Variants in SMG1 observed in about 807,000 individuals in gnomAD.
SMG1 encodes serine/threonine-protein kinase SMG1.
SMG1 carries 22 observed loss-of-function variants against 419.9 expected under a neutral mutation model. The observed-to-expected ratio is 0.05, with a 90% CI of 0.04 to 0.07. The LOEUF (loss-of-function observed/expected upper bound fraction) is 0.07. Among genes scored for constraint, SMG1 ranks in the 10% least tolerant of loss-of-function variants. The pLI, the probability that SMG1 is intolerant of heterozygous loss-of-function variation, is 1.00. For synonymous variants in SMG1, 1,538 were observed against 1,553.5 expected (o/e 0.99, Z 0.23); for missense variants, 3,185 against 4,342.0 (o/e 0.73, Z 7.49).
Position 18,869,942 on chromosome 16 carries a change from T to A in SMG1, c.2545A>T (p.Met849Leu), listed in dbSNP as rs2035725621. 1.3e-6 allele frequency: 2 copies of A among 1,526,538 alleles called. No homozygotes were observed. The highest frequency in any genetic ancestry group is 1.8e-6 in the Non-Finnish European group (2 of 1,124,110). The allele number at this position is 1,526,538 out of a possible 1,614,324, so 94.6% of individuals were successfully genotyped here. A position where few individuals can be genotyped will look rare whatever the true frequency, so the allele number is the denominator to read the frequency against. The stretch of plus-strand genomic sequence containing the variant: ...AATGTATTACTTGGTGCTTTACTCA[T>A]GTGACTTCTTAATGCTAAAGAAATT... The part of the protein sequence containing the change: ...QEISLALRSH[M>L]SKAPSNTFHP... The change falls in exon 19 of 63, where the codon ATG becomes TTG. Residue 849 changes from methionine to leucine, a missense_variant. This residue lies in a region of SMG1 where 297 missense variants were observed against 491.0 expected (regional missense o/e 0.60). Transcript: ENST00000446231.
chr16:18,831,413 G>C (rs193209009), intron 51 of SMG1, among the ~76,000 whole-genome samples: 1 of 152,136 alleles, frequency 6.6e-6, no homozygotes, highest in African/African-American at 2.4e-5. Flanking sequence ...TACACATTTA[G>C]GTAAACATTC....
chr16:18,832,663 T>C (rs528523372), intron 51 of SMG1, among the ~76,000 whole-genome samples: 2 of 152,152 alleles, frequency 1.3e-5, no homozygotes, highest in East Asian at 1.9e-4. Flanking sequence ...GTGTGGACTA[T>C]ATCATTGTCG....
At chr16:18,880,700 G>C (rs1246547553) in intron 10 of SMG1, among the ~76,000 whole-genome samples, 1 of 109,030 alleles carries the variant, frequency 9.2e-6, no homozygotes, top group Non-Finnish European at 1.7e-5. Context: ...GGGCAACAGA[G>C]ACCATGTCTC....
intron 31 of SMG1, 106 bp from the exon 32 acceptor site, chr16:18,852,568 G>A (rs2034661243): frequency 2.0e-6 from 2 of 978,626 alleles, no homozygotes; most frequent in African/African-American, 3.3e-5. Flanking sequence ...TTATCTGCAA[G>A]CAATCAAAAG....
chr16:18,894,983 A>T (rs182564113), intron 3 of SMG1, among the ~76,000 whole-genome samples: 1,956 of 151,940 alleles, frequency 0.013, 55 homozygotes, highest in African/African-American at 0.045. Context: ...GCACCCGGCT[A>T]ATTTTTTGTA....
intron 1 of SMG1, among the ~76,000 whole-genome samples, chr16:18,913,043 T>A (rs916770260): frequency 2.6e-5 from 4 of 152,134 alleles, no homozygotes; most frequent in African/African-American, 9.6e-5. Context: ...CATCTCTGGA[T>A]CTTTTTACTC....
chr16:18,899,863 T>G (rs2037278203), intron 1 of SMG1: 1 of 661,626 alleles, frequency 1.5e-6, no homozygotes, highest in African/African-American at 1.8e-5. Flanking sequence ...TACAGCCCCT[T>G]TAATATTCTA....
At chr16:18,895,151 G>A (rs913496048) in intron 3 of SMG1, among the ~76,000 whole-genome samples, 2 of 152,188 alleles carry the variant, frequency 1.3e-5, no homozygotes, top group Non-Finnish European at 2.9e-5. Flanking sequence ...CACCTATACA[G>A]TGAGGCTACA....
chr16:18,850,274 C>T lies in SMG1; in HGVS notation c.5246G>A (p.Ser1749Asn). 12 of 1,612,828 alleles carry T rather than the reference C, an allele frequency of 7.4e-6. No individual in the cohort carries two copies. Among genetic ancestry groups the T allele is most frequent in the East Asian group, 2.2e-5 (1 of 44,854 alleles). ...GAGTTTAAGGAAAGTAAAGTATGCA[C>T]TGCAAGAGAGTTTGTACAGGCTGAA... ...RIFSLYKLSCSAYFTFLKLNA... is the reference protein window; with the variant it reads ...RIFSLYKLSCNAYFTFLKLNA... Residue 1749 changes from serine to asparagine, a missense_variant, in exon 34 of 63, where the codon AGT (serine) becomes AAT (asparagine). By Grantham distance (46) the Ser-to-Asn change is conservative. Transcript: ENST00000446231.
At chr16:18,814,877 CTTTTTTTT>C (rs10582593) in intron 60 of SMG1, among the ~76,000 whole-genome samples, 1 of 123,988 alleles carries the variant, frequency 8.1e-6, no homozygotes, top group African/African-American at 3.1e-5. Flanking sequence ...CTCGCCCGGC[CTTTTTTTT>C]TTTTTTTTTT....
rs1229297624 is a variant in SMG1 at position 18,838,382 on chromosome 16, CCTT to C, written c.7166_7168del (p.Glu2389del). On this transcript the variant is annotated inframe_deletion, in exon 44 of 63. Transcript: ENST00000446231. ...CTGCTCACATGAAAGCCTAAATACA[CCTT>C]CTACTCCAGTTACACCCAGTGCTGT... The C allele has an allele frequency of 6.2e-7, 1 of 1,611,500 alleles. No homozygotes were observed. The highest frequency in any genetic ancestry group is 8.5e-7 in the Non-Finnish European group (1 of 1,178,882).
In SMG1 at chr16:18,837,455, T is replaced by C; in HGVS notation, c.7414-12A>G. 1 of 1,606,008 alleles carries C rather than the reference T, an allele frequency of 6.2e-7. No homozygotes were observed. The highest frequency in any genetic ancestry group is 8.5e-7 in the Non-Finnish European group (1 of 1,175,752). Reference sequence around the variant, plus strand: ...TTAAACCAGTTCACCTGTAAAAAGATATTACGATTAAGAAGACTCTTACAG... The same window carrying C: ...TTAAACCAGTTCACCTGTAAAAAGACATTACGATTAAGAAGACTCTTACAG... On this transcript the variant is annotated splice_polypyrimidine_tract_variant and intron_variant, in intron 45 of 62. Transcript: ENST00000446231.
rs767813789 is a variant in SMG1, at chr16:18,876,422, T to C, written c.1621-29A>G. On this transcript the variant is annotated intron_variant, in intron 12 of 62. Transcript: ENST00000446231. ...AAAAACAAAAAATTCAAGGAAGTGA[T>C]AAATGGAAAATAAATCTTCTAAAAT... 15 of 1,559,680 alleles carry C rather than the reference T, an allele frequency of 9.6e-6. No homozygotes were observed. In the South Asian group the frequency reaches 1.8e-4, roughly 18 times the overall value.
At chr16:18,828,655 T>C (rs1344059256) in intron 54 of SMG1, among the ~76,000 whole-genome samples, 1 of 152,208 alleles carries the variant, frequency 6.6e-6, no homozygotes. Context: ...GAAACTACTT[T>C]AGAAATAAAT....
intron 60 of SMG1, among the ~76,000 whole-genome samples, chr16:18,814,558 C>G (rs2031806026): frequency 6.6e-6 from 1 of 151,930 alleles, no homozygotes; most frequent in Admixed American, 6.6e-5. Flanking sequence ...ATTAGCAAAG[C>G]ATTTTTACTC....
In SMG1 at chr16:18,852,303, C is replaced by T; in HGVS notation, c.4913+15G>A. ...ATTTATGCAATGCATAAATAAACTACACATTTAAACATACCTGGCATTGTC... is the reference window on the plus strand; with the variant it reads ...ATTTATGCAATGCATAAATAAACTATACATTTAAACATACCTGGCATTGTC... On this transcript the variant is annotated intron_variant, in intron 32 of 62. Transcript: ENST00000446231. 1 of 1,605,944 alleles carries T rather than the reference C, an allele frequency of 6.2e-7. No homozygotes were observed. The highest frequency in any genetic ancestry group is 1.1e-5 in the South Asian group (1 of 89,528).
At chr16:18,878,299 CA>C (rs71141083) in intron 11 of SMG1, 326 of 112,032 alleles carry the variant, frequency 2.9e-3, no homozygotes, top group Middle Eastern at 4.6e-3. Context: ...TCCGTCTCAA[CA>C]AAAAAAAAAA....
intron 38 of SMG1, among the ~76,000 whole-genome samples, chr16:18,846,641 T>C (rs2034283614): frequency 6.6e-6 from 1 of 152,104 alleles, no homozygotes; most frequent in East Asian, 1.9e-4. Context: ...CACTAGTCAT[T>C]AGGAAAATGC....
Position 18,817,445 on chromosome 16 carries a change from A to G in SMG1, c.9920T>C (p.Ile3307Thr). ...TCTTGTTCGTAAACTTTCAAAATGAATGATATTGCTGCAGAGAAATGTGAC... is the reference window on the plus strand; with the variant it reads ...TCTTGTTCGTAAACTTTCAAAATGAGTGATATTGCTGCAGAGAAATGTGAC... ...SQVTFLCSNI[I>T]HFESLRTRTA... Residue 3307 changes from isoleucine to threonine, a missense_variant, in exon 57 of 63, where the codon ATT becomes ACT. This residue lies in a region of SMG1 where 737 missense variants were observed against 846.6 expected (regional missense o/e 0.87). Transcript: ENST00000446231. 6.3e-7 allele frequency: 1 copy of G among 1,583,714 alleles called. No individual in the cohort carries two copies.
Sources: allele counts gnomAD v4.1 joint callset (sites outside exome capture counted in the v4.1 genomes callset), GRCh38; gene constraint gnomAD v4.1.1; regional missense constraint gnomAD v4.1.1; transcripts MANE v1.5; gene names NCBI Gene and HGNC (gene_info 2026-07-23, HGNC 2026-07-21).